The following PLXDC2 variants were observed in gnomAD, a reference collection of about 807,000 sequenced individuals.
PLXDC2 encodes plexin domain-containing protein 2.
A neutral mutation model predicts 68.9 loss-of-function variants in PLXDC2; 40 were observed. The ratio of observed to expected loss-of-function variants is 0.58; its 90% CI spans 0.45 to 0.76. The LOEUF is 0.76. PLXDC2 is among the 30% of genes least tolerant of loss of function. The probability of loss-of-function intolerance (pLI) is 0.00; values close to 1 mark genes in which losing one functional copy is unlikely to be tolerated. For missense variants in PLXDC2, 644 were observed against 661.9 expected, an observed-to-expected ratio of 0.97 and a Z score of 0.30; for synonymous variants, 243 against 234.2, an observed-to-expected ratio of 1.04 and a Z score of -0.34.
At chr10:20,104,578 C>A (rs1379424656) in intron 4 of PLXDC2, among the ~76,000 whole-genome samples, 1 of 152,156 alleles carries the variant, frequency 6.6e-6, no homozygotes, top group African/African-American at 2.4e-5. Flanking sequence ...CAGCTAGGTT[C>A]CATGTAGGTA....
At chr10:20,180,516 CAGG>C (rs1183371068) in intron 9 of PLXDC2, among the ~76,000 whole-genome samples, 1 of 151,980 alleles carries the variant, frequency 6.6e-6, no homozygotes, top group Non-Finnish European at 1.5e-5. Flanking sequence ...TTCAACAAAA[CAGG>C]AGAAGTCTTA....
chr10:19,855,933 C>A (rs1228182828), intron 1 of PLXDC2, among the ~76,000 whole-genome samples: 1 of 151,882 alleles, frequency 6.6e-6, no homozygotes, highest in African/African-American at 2.4e-5. Flanking sequence ...AAAAAATATA[C>A]ATATATAAAA....
At chr10:20,040,093 A>G (rs1835655370) in intron 2 of PLXDC2, among the ~76,000 whole-genome samples, 1 of 152,140 alleles carries the variant, frequency 6.6e-6, no homozygotes, top group Non-Finnish European at 1.5e-5. Context: ...CTTCCTCATT[A>G]ACCTTTAACC....
intron 10 of PLXDC2, among the ~76,000 whole-genome samples, chr10:20,216,553 G>C (rs899514258): frequency 3.3e-5 from 5 of 152,140 alleles, no homozygotes; most frequent in African/African-American, 1.2e-4. Context: ...CTCCACTAAT[G>C]ATGAGAGAAG....
intron 12 of PLXDC2, among the ~76,000 whole-genome samples, chr10:20,236,455 A>G (rs1484301123): frequency 6.6e-6 from 1 of 152,122 alleles, no homozygotes; most frequent in Non-Finnish European, 1.5e-5. Context: ...AAAATTAATA[A>G]TAATAACAAT....
At chr10:20,119,479 G>A (rs905102079) in intron 4 of PLXDC2, among the ~76,000 whole-genome samples, 4 of 151,432 alleles carry the variant, frequency 2.6e-5, no homozygotes, top group African/African-American at 9.7e-5. Context: ...GTTAAGGCAG[G>A]AACAGGCCAT....
At chr10:20,201,820 A>C (rs974397821) in intron 9 of PLXDC2, among the ~76,000 whole-genome samples, 1 of 152,140 alleles carries the variant, frequency 6.6e-6, no homozygotes, top group African/African-American at 2.4e-5. Context: ...TAGACTATCA[A>C]CTTGGAAAAG....
At chr10:19,868,810 A>T (rs1215027551) in intron 1 of PLXDC2, among the ~76,000 whole-genome samples, 2 of 152,218 alleles carry the variant, frequency 1.3e-5, no homozygotes, top group Non-Finnish European at 2.9e-5. Flanking sequence ...TTATTTCAAA[A>T]CATACCAAGT....
chr10:20,103,108 C>T (rs547564444), intron 4 of PLXDC2, among the ~76,000 whole-genome samples: 67 of 152,268 alleles, frequency 4.4e-4, no homozygotes, highest in African/African-American at 1.5e-3. Flanking sequence ...ACAGAAATCT[C>T]GCCATCAGGG....
intron 1 of PLXDC2, among the ~76,000 whole-genome samples, chr10:19,869,615 GGTTA>G (rs1837496174): frequency 2.0e-5 from 3 of 151,612 alleles, no homozygotes; most frequent in African/African-American, 7.3e-5. Flanking sequence ...AGCACAATGT[GGTTA>G]GTTATTATAT....
intron 1 of PLXDC2, among the ~76,000 whole-genome samples, chr10:19,976,864 C>G (rs866109786): frequency 6.2e-5 from 9 of 144,762 alleles, no homozygotes; most frequent in Middle Eastern, 3.6e-3. Context: ...TTTTCCGTTT[C>G]TTCCCCTTAT....
At chr10:20,232,605 G>T (rs1835379851) in intron 12 of PLXDC2, among the ~76,000 whole-genome samples, 1 of 152,176 alleles carries the variant, frequency 6.6e-6, no homozygotes, top group African/African-American at 2.4e-5. Context: ...ACATTGTTAA[G>T]CAAAAGATGC....
intron 9 of PLXDC2, among the ~76,000 whole-genome samples, chr10:20,186,407 T>A (rs1466411444): frequency 6.6e-6 from 1 of 151,938 alleles, no homozygotes; most frequent in Non-Finnish European, 1.5e-5. Flanking sequence ...TAGAGTGTAT[T>A]CTTTTTCTCT....
intron 4 of PLXDC2, among the ~76,000 whole-genome samples, chr10:20,120,095 A>T (rs1028014384): frequency 2.0e-5 from 3 of 152,120 alleles, no homozygotes; most frequent in African/African-American, 7.2e-5. Flanking sequence ...CGGCAGTGTA[A>T]ACAAGAGCAG....
intron 4 of PLXDC2, among the ~76,000 whole-genome samples, chr10:20,082,233 T>C (rs1353394222): frequency 6.6e-6 from 1 of 151,774 alleles, no homozygotes; most frequent in Non-Finnish European, 1.5e-5. Context: ...CAGCTAATTA[T>C]ATATCAATAT....
At chr10:20,214,738 G>A (rs771885169) in intron 10 of PLXDC2, among the ~76,000 whole-genome samples, 5 of 152,076 alleles carry the variant, frequency 3.3e-5, no homozygotes, top group Non-Finnish European at 5.9e-5. Flanking sequence ...TTAGTCTGCC[G>A]TTACTGCCAA....
At chr10:19,865,629 C>G (rs1837400421) in intron 1 of PLXDC2, among the ~76,000 whole-genome samples, 1 of 152,168 alleles carries the variant, frequency 6.6e-6, no homozygotes, top group South Asian at 2.1e-4. Flanking sequence ...TCTGAATATT[C>G]CTGTGAAAGT....
intron 4 of PLXDC2, among the ~76,000 whole-genome samples, chr10:20,126,263 T>C (rs1024371688): frequency 6.8e-6 from 1 of 146,878 alleles, no homozygotes; most frequent in Non-Finnish European, 1.5e-5. Context: ...ATATACGTTA[T>C]ATAATACATA....
rs1836131193 is a variant in PLXDC2, at chr10:20,284,845, TATAGAAC to T, written c.*5029_*5035del. The stretch of plus-strand genomic sequence containing the variant: ...ATTGACAATCTGCTCTGTTCTGTAA[TATAGAAC>T]ATTGGATCAATCTTTATCTTTTTGC... On this transcript the variant is annotated 3_prime_UTR_variant, in exon 14 of 14. Transcript: ENST00000377252. The T allele has an allele frequency of 6.6e-6, 1 of 152,190 alleles. No individual in the cohort carries two copies. The highest frequency in any genetic ancestry group is 6.5e-5 in the Admixed American group (1 of 15,280). The allele number at this position is 152,190 out of a possible 1,614,324, so 9.4% of individuals were successfully genotyped here.
Sources: allele counts gnomAD v4.1 joint callset (sites outside exome capture counted in the v4.1 genomes callset), GRCh38; gene constraint gnomAD v4.1.1; transcripts MANE v1.5; gene names NCBI Gene and HGNC (gene_info 2026-07-23, HGNC 2026-07-21).